The following EXOC4 variants were observed in gnomAD, a reference collection of about 807,000 sequenced individuals.
EXOC4 encodes the protein SEC8-like 1.
In EXOC4, 71 loss-of-function variants were observed where a neutral mutation model predicts 107.2. The ratio of observed to expected loss-of-function variants is 0.66; its 90% CI spans 0.55 to 0.81. The LOEUF is 0.81. EXOC4 is among the 30% of genes least tolerant of loss of function. The probability of loss-of-function intolerance (pLI) is 0.00; values close to 1 mark genes in which losing one functional copy is unlikely to be tolerated. For synonymous variants in EXOC4, 456 were observed against 441.2 expected (o/e 1.03, Z -0.42); for missense variants, 1,108 against 1,189.6 (o/e 0.93, Z 1.01).
chr7:133,328,746 GC>G (rs1795308800), intron 5 of EXOC4, among the ~76,000 whole-genome samples: 1 of 152,124 alleles, frequency 6.6e-6, no homozygotes, highest in Admixed American at 6.6e-5. Context: ...TTGAATATTG[GC>G]CCTCACTGTC....
chr7:134,058,734 C>T (rs991160262), intron 17 of EXOC4, among the ~76,000 whole-genome samples: 15 of 152,184 alleles, frequency 9.9e-5, no homozygotes, highest in African/African-American at 3.6e-4. Flanking sequence ...AATGAGTCAG[C>T]GATAAAAATA....
At chr7:134,085,327 A>C in the EXOC4 span, among the ~76,000 whole-genome samples, 1 of 101,766 alleles carries the variant, frequency 9.8e-6, no homozygotes, top group Non-Finnish European at 2.1e-5. Context: ...AAAAAACAAA[A>C]ACAACAAAAA....
At position 133,817,517 on chromosome 7, in the gene EXOC4, G is replaced by T. The variant is rs772814105; in HGVS notation, c.1707G>T (p.Val569=). The change falls in exon 11 of 18, where the codon GTG becomes GTT. Residue 569 remains valine (V), a synonymous_variant. Transcript: ENST00000253861. Reference sequence around the variant, plus strand: ...TGGCCAACGCAGACACCATGAAGGTGCTGGGAGTGCAGCGGCCTCTCCTAC... The same window carrying T: ...TGGCCAACGCAGACACCATGAAGGTTCTGGGAGTGCAGCGGCCTCTCCTAC... The part of the protein sequence containing the change: ...KILANADTMK[V]LGVQRPLLQS... 8.1e-5 allele frequency: 131 copies of T among 1,613,964 alleles called. No homozygotes were observed. The highest frequency in any genetic ancestry group is 6.7e-4 in the East Asian group (30 of 44,882).
chr7:133,629,940 G>T, intron 9 of EXOC4, 105 bp from the exon 10 acceptor site: 1 of 735,960 alleles, frequency 1.4e-6, no homozygotes, highest in Non-Finnish European at 2.3e-6. Flanking sequence ...TGTTTGCAAA[G>T]ATGGTCCTAA....
intron 7 of EXOC4, among the ~76,000 whole-genome samples, chr7:133,449,721 T>TGTGTGTG (rs377396889): frequency 6.8e-6 from 1 of 147,890 alleles, no homozygotes; most frequent in African/African-American, 2.5e-5. Flanking sequence ...GAAAATACAT[T>TGTGTGTG]TGTGTGTGTG....
intron 11 of EXOC4, among the ~76,000 whole-genome samples, chr7:133,823,048 T>C (rs548743298): frequency 6.6e-6 from 1 of 152,336 alleles, no homozygotes; most frequent in South Asian, 2.1e-4. Flanking sequence ...TGCAGGGCAA[T>C]GTGAGACAGA....
chr7:133,838,647 C>T (rs1797966169), intron 11 of EXOC4, among the ~76,000 whole-genome samples: 1 of 152,150 alleles, frequency 6.6e-6, no homozygotes, highest in South Asian at 2.1e-4. Flanking sequence ...GCATTTTGAA[C>T]AAGCACTCAG....
intron 14 of EXOC4, among the ~76,000 whole-genome samples, chr7:133,975,597 C>A (rs1448377516): frequency 6.6e-6 from 1 of 151,320 alleles, no homozygotes; most frequent in Non-Finnish European, 1.5e-5. Flanking sequence ...GGTATGATCT[C>A]GTGAATAGAA....
At chr7:133,402,252 C>T (rs562656837) in intron 7 of EXOC4, among the ~76,000 whole-genome samples, 12 of 152,294 alleles carry the variant, frequency 7.9e-5, no homozygotes, top group East Asian at 3.9e-4. Context: ...TAAGTACCCA[C>T]GTGTACTGCT....
intron 7 of EXOC4, among the ~76,000 whole-genome samples, chr7:133,462,201 A>G (rs1798609654): frequency 6.6e-6 from 1 of 152,090 alleles, no homozygotes; most frequent in African/African-American, 2.4e-5. Flanking sequence ...ATCTAAAGTG[A>G]CTATAGTAAG....
intron 10 of EXOC4, among the ~76,000 whole-genome samples, chr7:133,738,114 G>A (rs927198063): frequency 4.0e-5 from 6 of 151,706 alleles, no homozygotes; most frequent in Admixed American, 1.3e-4. Flanking sequence ...ATTTCACCAC[G>A]TGGGTCAGAC....
At chr7:133,512,860 C>T (rs936814645) in intron 9 of EXOC4, among the ~76,000 whole-genome samples, 5 of 152,156 alleles carry the variant, frequency 3.3e-5, no homozygotes, top group Admixed American at 6.5e-5. Flanking sequence ...TGGCCAGGTG[C>T]GGTGGCTCAC....
chr7:134,096,207 A>G, the EXOC4 span, among the ~76,000 whole-genome samples: 1 of 152,232 alleles, frequency 6.6e-6, no homozygotes, highest in African/African-American at 2.4e-5. Flanking sequence ...ATCATCAGAG[A>G]GGTGCAAATC....
chr7:133,586,133 A>C (rs554198767), intron 9 of EXOC4, among the ~76,000 whole-genome samples: 1 of 91,388 alleles, frequency 1.1e-5, no homozygotes, highest in African/African-American at 5.8e-5. Flanking sequence ...GGTTTGTTAG[A>C]TAGGTAAATT....
At chr7:134,016,042 ACT>A (rs1293089528) in intron 17 of EXOC4, among the ~76,000 whole-genome samples, 1 of 151,802 alleles carries the variant, frequency 6.6e-6, no homozygotes, top group Non-Finnish European at 1.5e-5. Context: ...GTCAAGGATG[ACT>A]CTCCAATTTC....
At chr7:133,386,324 C>A (rs184587898) in intron 7 of EXOC4, among the ~76,000 whole-genome samples, 1 of 152,180 alleles carries the variant, frequency 6.6e-6, no homozygotes, top group African/African-American at 2.4e-5. Flanking sequence ...CCCACCATTC[C>A]TCTCCAGAGC....
chr7:133,655,950 C>T (rs185475566), intron 10 of EXOC4, among the ~76,000 whole-genome samples: 1 of 152,174 alleles, frequency 6.6e-6, no homozygotes, highest in Admixed American at 6.5e-5. Flanking sequence ...ACTGGCAGTA[C>T]AGTAGGTTTG....
chr7:133,265,661 T>C (rs560479576), intron 1 of EXOC4, among the ~76,000 whole-genome samples: 2 of 152,292 alleles, frequency 1.3e-5, no homozygotes, highest in South Asian at 2.1e-4. Context: ...TTTTTCTGAG[T>C]TGCTTGAAGG....
rs931986763 is a variant in EXOC4 at position 134,065,756 on chromosome 7, C to T, written c.*1228C>T. The T allele has an allele frequency of 6.6e-6, 1 of 152,202 alleles. No homozygotes were observed. Among genetic ancestry groups the T allele is most frequent in the Non-Finnish European group, 1.5e-5 (1 of 68,032 alleles). 9.4% of individuals were successfully genotyped at this position (152,202 alleles called of 1,614,324 possible). A position where few individuals can be genotyped will look rare whatever the true frequency, so the allele number is the denominator to read the frequency against. On this transcript the variant is annotated 3_prime_UTR_variant, in exon 18 of 18. Transcript: ENST00000253861. Reference sequence around the variant, plus strand: ...GAGAATTAAAAAGTGTTTTGAGAAGCTTAAATGTTTCATGTTATTTTTCTT... The same window carrying T: ...GAGAATTAAAAAGTGTTTTGAGAAGTTTAAATGTTTCATGTTATTTTTCTT...
Sources: gnomAD v4.1 joint callset for allele counts (sites outside exome capture counted in the v4.1 genomes callset) on GRCh38, gnomAD v4.1.1 for gene constraint, MANE v1.5 for transcripts, NCBI Gene and HGNC (gene_info 2026-07-23, HGNC 2026-07-21) for gene names.